Variants in LRP2 observed in about 807,000 individuals in gnomAD.
The protein encoded by LRP2 is LDL receptor related protein 2, also known as low-density lipoprotein receptor-related protein 2.
Under a neutral mutation model 531.0 loss-of-function variants are expected in LRP2, and 172 were observed. That is an observed-to-expected ratio of 0.32 (90% CI 0.29 to 0.37). LRP2 has a LOEUF of 0.37. Ranked by LOEUF, LRP2 falls within the 10% of genes least tolerant of loss-of-function variation. LRP2 has a pLI of 1.00. For synonymous variants in LRP2, 1,992 were observed against 2,027.6 expected, an observed-to-expected ratio of 0.98 and a Z score of 0.47; for missense variants, 5,167 against 5,868.3, an observed-to-expected ratio of 0.88 and a Z score of 3.90.
At chr2:169,155,816 G>A (rs1332965613) in intron 65 of LRP2, among the ~76,000 whole-genome samples, 1 of 152,150 alleles carries the variant, frequency 6.6e-6, no homozygotes, top group African/African-American at 2.4e-5. Flanking sequence ...ATATGTCCTT[G>A]ATTTGCCCCA....
At position 169,174,004 on chromosome 2, in the gene LRP2, A is replaced by C. The variant is rs778991777; in HGVS notation, c.10929T>G (p.Ala3643=). The change falls in exon 56 of 79, where the codon GCT becomes GCG. Residue 3643 remains alanine, a synonymous_variant. Coordinates refer to ENST00000649046, the MANE Select transcript of LRP2 (RefSeq NM_004525.3). ...AGGCCTGCGGGATGCAGCGGCCATTAGCACACCGAAACTGGCCCGGCCGGC... is the reference window on the plus strand; with the variant it reads ...AGGCCTGCGGGATGCAGCGGCCATTCGCACACCGAAACTGGCCCGGCCGGC... ...RTCRPGQFRC[A]NGRCIPQAWK... The C allele has an allele frequency of 1.9e-6, 3 of 1,614,226 alleles. No homozygotes were observed. The highest frequency in any genetic ancestry group is 2.2e-5 in the South Asian group (2 of 91,090).
chr2:169,327,448 C>T (rs1301273925), intron 1 of LRP2, among the ~76,000 whole-genome samples: 2 of 124,144 alleles, frequency 1.6e-5, no homozygotes, highest in Non-Finnish European at 3.5e-5. Context: ...GGGGGATCAG[C>T]ACCCCGCCCG....
chr2:169,264,197 A>G (rs1361149538), intron 16 of LRP2, among the ~76,000 whole-genome samples: 1 of 152,144 alleles, frequency 6.6e-6, no homozygotes, highest in Non-Finnish European at 1.5e-5. Flanking sequence ...ATACATATGT[A>G]ACTAACCTGC....
At chr2:169,165,335 T>C (rs1459889268) in intron 62 of LRP2, among the ~76,000 whole-genome samples, 1 of 152,266 alleles carries the variant, frequency 6.6e-6, no homozygotes, top group African/African-American at 2.4e-5. Context: ...TAAAACATTT[T>C]GAAAGTGCAG....
chr2:169,292,006 T>C (rs185139253), intron 7 of LRP2, among the ~76,000 whole-genome samples: 1 of 152,302 alleles, frequency 6.6e-6, no homozygotes, highest in African/African-American at 2.4e-5. Context: ...CTACCTATTT[T>C]GCCTTAAAGA....
Position 169,132,604 on chromosome 2 carries a change from G to A in LRP2, c.13698C>T (p.Asn4566=). 4 of 1,609,924 alleles carry A rather than the reference G, an allele frequency of 2.5e-6. No homozygotes were observed. Among genetic ancestry groups the A allele is most frequent in the Non-Finnish European group, 2.6e-6 (3 of 1,176,278 alleles). ...TTCCATCAGCAGCTGGTGAAGTTGG[G>A]TTTGTCTCTGGAACTATCTCAGAAG... The part of the protein sequence containing the change: ...INPSEIVPET[N]PTSPAADGTQ... Residue 4566 remains asparagine, a synonymous_variant, in exon 77 of 79, where the codon AAC becomes AAT. Coordinates refer to ENST00000649046, the MANE Select transcript of LRP2 (RefSeq NM_004525.3).
chr2:169,273,286 G>A (rs532698319), intron 14 of LRP2, among the ~76,000 whole-genome samples: 11 of 151,408 alleles, frequency 7.3e-5, no homozygotes, highest in African/African-American at 2.7e-4. Context: ...TCCAACAGAC[G>A]GTGGCAAAAA....
intron 1 of LRP2, among the ~76,000 whole-genome samples, chr2:169,353,411 G>T (rs905133998): frequency 4.6e-5 from 7 of 152,088 alleles, no homozygotes; most frequent in African/African-American, 1.2e-4. Context: ...AAGAGAACTG[G>T]AGCCCTGACT....
chr2:169,206,143 C>A lies in LRP2; in HGVS notation c.7436G>T (p.Arg2479Ile). The A allele has an allele frequency of 1.2e-6, 2 of 1,614,182 alleles. No homozygotes were observed. The highest frequency in any genetic ancestry group is 8.5e-7 in the Non-Finnish European group (1 of 1,180,032). The change falls in exon 40 of 79, where the codon AGA (arginine) becomes ATA (isoleucine). Residue 2479 changes from arginine to isoleucine, a missense_variant. Physicochemically the swap from Arg to Ile is moderately conservative, Grantham distance 97. This residue lies in a region of LRP2 where 1,129 missense variants were observed against 1,362.7 expected (regional missense o/e 0.83). Transcript: ENST00000649046. ...DGIAFDWITR[R>I]IYYSDYLNQM... Reference sequence around the variant, plus strand: ...GTTGAGGTAGTCACTGTAATAAATTCTTCTAGTAATCCAGTCAAAGGCAAT... The same window carrying A: ...GTTGAGGTAGTCACTGTAATAAATTATTCTAGTAATCCAGTCAAAGGCAAT...
Position 169,145,766 on chromosome 2 carries a change from T to A in LRP2, c.12969A>T (p.Gln4323His). The A allele has an allele frequency of 6.2e-7, 1 of 1,614,158 alleles. No homozygotes were observed. Among genetic ancestry groups the A allele is most frequent in the East Asian group, 2.2e-5 (1 of 44,874 alleles). Reference sequence around the variant, plus strand: ...GATTACCTGACTTATTGTATCTGAGTTGATGAAAGATTCGAACTTGAGTGA... The same window carrying A: ...GATTACCTGACTTATTGTATCTGAGATGATGAAAGATTCGAACTTGAGTGA... ...PWLTQVRIFHQLRYNKSVPNL... is the reference protein window; with the variant it reads ...PWLTQVRIFHHLRYNKSVPNL... Residue 4323 changes from glutamine to histidine, a missense_variant, in exon 70 of 79, where the codon CAA becomes CAT. This residue lies in a region of LRP2 where 564 missense variants were observed against 747.7 expected (regional missense o/e 0.75). Coordinates refer to ENST00000649046, the MANE Select transcript of LRP2 (RefSeq NM_004525.3).
At chr2:169,246,585 A>C in intron 21 of LRP2, 120 bp downstream of exon 21, 1 of 1,213,002 alleles carries the variant, frequency 8.2e-7, no homozygotes, top group Admixed American at 1.8e-5. Context: ...GCATGTTAAG[A>C]ATCTGAAATT....
chr2:169,165,607 C>T (rs897726761), intron 62 of LRP2, among the ~76,000 whole-genome samples: 7 of 152,148 alleles, frequency 4.6e-5, no homozygotes, highest in East Asian at 3.8e-4. Flanking sequence ...TATTAATTTG[C>T]GAGGTGTGGC....
In LRP2 at chr2:169,200,540, A is replaced by C. The variant is rs546240716; in HGVS notation, c.8452+1088T>G. The stretch of plus-strand genomic sequence containing the variant: ...CCTAAGTTTGGACAACTGGGCACCA[A>C]GAAAAAACAGTTGACAGCACTGTAT... On this transcript the variant is annotated intron_variant, in intron 44 of 78. Coordinates refer to ENST00000649046, the MANE Select transcript of LRP2 (RefSeq NM_004525.3). Among the ~76,000 whole-genome samples, 23 of 152,322 alleles carry C rather than the reference A, an allele frequency of 1.5e-4. No homozygotes were observed. The South Asian group carries it at 4.1e-3, about 27-fold the overall frequency.
chr2:169,138,535 T>C (rs2105336495), intron 75 of LRP2, 42 bp downstream of exon 75: 1 of 1,608,572 alleles, frequency 6.2e-7, no homozygotes, highest in African/African-American at 1.3e-5. Flanking sequence ...ATTTATTCTA[T>C]AAATGACAAC....
intron 1 of LRP2, among the ~76,000 whole-genome samples, chr2:169,351,056 C>T (rs1411027195): frequency 6.6e-6 from 1 of 152,068 alleles, no homozygotes; most frequent in Admixed American, 6.5e-5. Flanking sequence ...AAGGGTAGGC[C>T]AGCAAGGAAG....
intron 1 of LRP2, among the ~76,000 whole-genome samples, chr2:169,359,087 G>A (rs830950): frequency 0.99 from 150,549 of 152,052 alleles, 74,554 homozygotes; most frequent in East Asian, 1. Flanking sequence ...TAAAAATATT[G>A]TATTTTTAGA....
intron 1 of LRP2, among the ~76,000 whole-genome samples, chr2:169,346,774 C>T (rs1407210034): frequency 6.6e-6 from 1 of 152,194 alleles, no homozygotes. Context: ...CCAAGGGTCT[C>T]TTCTCAAACT....
At chr2:169,170,417 T>C in intron 59 of LRP2, 134 bp downstream of exon 59, 1 of 769,662 alleles carries the variant, frequency 1.3e-6, no homozygotes, top group Middle Eastern at 2.3e-4. Flanking sequence ...CAGAAGATAC[T>C]GTGTTATGCT....
intron 1 of LRP2, among the ~76,000 whole-genome samples, chr2:169,361,350 GTCTCTCTCTC>G (rs1216824209): frequency 1.4e-4 from 3 of 21,982 alleles, no homozygotes; most frequent in East Asian, 8.1e-4. Flanking sequence ...GTCTCTCTCT[GTCTCTCTCTC>G]TCTCTCTCTC....
Sources: gnomAD v4.1 joint callset for allele counts (sites outside exome capture counted in the v4.1 genomes callset) on GRCh38, gnomAD v4.1.1 for gene constraint, gnomAD v4.1.1 regional missense constraint, MANE v1.5 for transcripts, NCBI Gene and HGNC (gene_info 2026-07-23, HGNC 2026-07-21) for gene names.